The following QKI variants were observed in gnomAD, a reference collection of about 807,000 sequenced individuals.
QKI encodes KH domain-containing RNA-binding protein QKI.
QKI carries 10 observed loss-of-function variants against 39.0 expected under a neutral mutation model. The ratio of observed to expected loss-of-function variants is 0.26; its 90% CI spans 0.16 to 0.43. QKI has a LOEUF of 0.43. QKI is among the 20% of genes least tolerant of loss of function. The pLI, the probability that QKI is intolerant of heterozygous loss-of-function variation, is 1.00. For missense variants in QKI, 218 were observed against 428.0 expected, an observed-to-expected ratio of 0.51 and a Z score of 4.33; for synonymous variants, 204 against 155.4, an observed-to-expected ratio of 1.31 and a Z score of -2.33.
At position 163,476,557 on chromosome 6, in the gene QKI, G is replaced by A. The variant is rs78102953; in HGVS notation, c.286-2223G>A. Among the ~76,000 whole-genome samples the A allele has an allele frequency of 2.8e-3, 431 of 152,268 alleles. 1 individual carries two copies. Among genetic ancestry groups the A allele is most frequent in the African/African-American group, 9.4e-3 (392 of 41,548 alleles). On this transcript the variant is annotated intron_variant, in intron 2 of 7. Coordinates refer to ENST00000361752, the MANE Select transcript of QKI (RefSeq NM_006775.3). Reference sequence around the variant, plus strand: ...TATAATGGAACACAGAATTCTTTTCGTGGGTTATTTCAATTTTTCTAGAGA... The same window carrying A: ...TATAATGGAACACAGAATTCTTTTCATGGGTTATTTCAATTTTTCTAGAGA...
intron 3 of QKI, among the ~76,000 whole-genome samples, chr6:163,480,115 T>A (rs1454504400): frequency 6.6e-6 from 1 of 152,220 alleles, no homozygotes; most frequent in East Asian, 1.9e-4. Flanking sequence ...ACCTAGTTTG[T>A]CTTACCCAGC....
At chr6:163,520,668 A>G (rs974178072) in intron 3 of QKI, among the ~76,000 whole-genome samples, 3 of 152,194 alleles carry the variant, frequency 2.0e-5, no homozygotes, top group Admixed American at 1.3e-4. Context: ...AACATCATTG[A>G]AGAATGATTT....
At chr6:163,455,154 C>G in intron 1 of QKI, 125 bp from the exon 2 acceptor site, 1 of 665,276 alleles carries the variant, frequency 1.5e-6, no homozygotes, top group South Asian at 2.8e-5. Context: ...TAGAATAGGC[C>G]AGGAGCTCCT....
At chr6:163,526,318 G>C (rs950699001) in intron 3 of QKI, among the ~76,000 whole-genome samples, 28 of 152,116 alleles carry the variant, frequency 1.8e-4, no homozygotes, top group African/African-American at 6.3e-4. Context: ...ATATTCAATT[G>C]AGTATTTTAA....
intron 2 of QKI, among the ~76,000 whole-genome samples, chr6:163,460,114 A>T (rs1791235308): frequency 6.6e-6 from 1 of 152,226 alleles, no homozygotes; most frequent in Admixed American, 6.5e-5. Flanking sequence ...CTAGCTGTTG[A>T]TGATACTAGT....
intron 1 of QKI, among the ~76,000 whole-genome samples, chr6:163,448,378 G>C (rs1191389166): frequency 7.1e-6 from 1 of 141,500 alleles, no homozygotes; most frequent in Non-Finnish European, 1.5e-5. Context: ...CAGTTACTTT[G>C]AAATTAAATC....
At chr6:163,548,282 T>C (rs1238981990) in intron 4 of QKI, among the ~76,000 whole-genome samples, 1 of 152,140 alleles carries the variant, frequency 6.6e-6, no homozygotes, top group Non-Finnish European at 1.5e-5. Flanking sequence ...ACATAGAAAG[T>C]GATCAGTGTT....
intron 1 of QKI, among the ~76,000 whole-genome samples, chr6:163,438,852 T>G (rs1789511382): frequency 1.3e-5 from 2 of 152,158 alleles, no homozygotes; most frequent in African/African-American, 4.8e-5. Context: ...AGTAATAAAT[T>G]AACCTTAACA....
At chr6:163,421,472 T>C (rs1797490906) in intron 1 of QKI, among the ~76,000 whole-genome samples, 3 of 152,178 alleles carry the variant, frequency 2.0e-5, no homozygotes, top group Non-Finnish European at 4.4e-5. Flanking sequence ...TCCCCACATA[T>C]ATAGTTCTTG....
chr6:163,550,338 T>G (rs1212098672), intron 4 of QKI, among the ~76,000 whole-genome samples: 1 of 152,180 alleles, frequency 6.6e-6, no homozygotes, highest in African/African-American at 2.4e-5. Context: ...AATCCATTAA[T>G]CCACTAATCC....
chr6:163,530,908 CATTGATG>C (rs1780809148), intron 3 of QKI, among the ~76,000 whole-genome samples: 1 of 152,140 alleles, frequency 6.6e-6, no homozygotes, highest in African/African-American at 2.4e-5. Context: ...AAATATATAA[CATTGATG>C]ATTTTTCTCC....
Position 163,461,708 on chromosome 6 carries a change from TG to T in QKI, c.285+6288del, listed in dbSNP as rs563396972. Reference sequence around the variant, plus strand: ...AGTGCTATCCATATTCCAGGAACATTGAGCTGTTTCTGATAAAGATTAAAGG... The same window carrying T: ...AGTGCTATCCATATTCCAGGAACATTAGCTGTTTCTGATAAAGATTAAAGG... On this transcript the variant is annotated intron_variant, in intron 2 of 7. Coordinates refer to ENST00000361752, the MANE Select transcript of QKI (RefSeq NM_006775.3). Among the ~76,000 whole-genome samples the T allele has an allele frequency of 1.4e-4, 22 of 152,306 alleles. No individual in the cohort carries two copies. The South Asian group carries it at 4.6e-3, about 32-fold the overall frequency.
chr6:163,484,086 CTT>C (rs1375247217), intron 3 of QKI, among the ~76,000 whole-genome samples: 23 of 152,112 alleles, frequency 1.5e-4, no homozygotes, highest in Non-Finnish European at 3.4e-4. Flanking sequence ...AAAGGAATCT[CTT>C]TTTCTGAGCA....
chr6:163,523,657 G>T (rs895476797), intron 3 of QKI, among the ~76,000 whole-genome samples: 2 of 152,150 alleles, frequency 1.3e-5, no homozygotes, highest in African/African-American at 4.8e-5. Context: ...GTAGAATTCA[G>T]AGCTACTTTG....
Position 163,518,345 on chromosome 6 carries a change from G to GC in QKI, c.403-16634dup, listed in dbSNP as rs562760705. ...CAAAGATAAGATACAATCAATGCCT[G>GC]CCCTTTTGTAGTCAGGATGGACAGA... On this transcript the variant is annotated intron_variant, in intron 3 of 7. Transcript: ENST00000361752. Among the ~76,000 whole-genome samples, 207 of 152,232 alleles carry GC rather than the reference G, an allele frequency of 1.4e-3. 1 individual carries two copies. The highest frequency in any genetic ancestry group is 2.4e-3 in the Non-Finnish European group (165 of 67,970).
chr6:163,441,438 T>C (rs1789754365), intron 1 of QKI, among the ~76,000 whole-genome samples: 1 of 152,188 alleles, frequency 6.6e-6, no homozygotes, highest in Admixed American at 6.5e-5. Context: ...ATAGTCCTAA[T>C]ATTTGTTCAA....
In QKI at chr6:163,575,489, G is replaced by C. The variant is rs960429971; in HGVS notation, c.*4779G>C. The C allele has an allele frequency of 6.6e-6, 1 of 152,176 alleles. No homozygotes were observed. The highest frequency in any genetic ancestry group is 1.5e-5 in the Non-Finnish European group (1 of 68,024). 9.4% of individuals were successfully genotyped at this position (152,176 alleles called of 1,614,324 possible). A position where few individuals can be genotyped will look rare whatever the true frequency, so the allele number is the denominator to read the frequency against. On this transcript the variant is annotated 3_prime_UTR_variant, in exon 8 of 8. Transcript: ENST00000361752. The stretch of plus-strand genomic sequence containing the variant: ...TTGATTGAAACTATTTGACAAAACA[G>C]TTGAAAGCTGAGCTTTCAGTCAAGA...
rs1035207050 is a variant in QKI at position 163,414,951 on chromosome 6, CGGGCGGCCGAGAG to C, written c.-242_-230del. The C allele has an allele frequency of 1.7e-4, 29 of 171,826 alleles. No homozygotes were observed. The Admixed American group carries it at 1.8e-3, about 11-fold the overall frequency. 10.6% of individuals were successfully genotyped at this position (171,826 alleles called of 1,614,324 possible). A position where few individuals can be genotyped will look rare whatever the true frequency, so the allele number is the denominator to read the frequency against. ...CGGCCTCGTGAGGGACGCGCCGAGCCGGGCGGCCGAGAGCGGCGGCGGCTGGGAGCGCGTCGGG... is the reference window on the plus strand; with the variant it reads ...CGGCCTCGTGAGGGACGCGCCGAGCCCGGCGGCGGCTGGGAGCGCGTCGGG... On this transcript the variant is annotated 5_prime_UTR_variant, in exon 1 of 8. Transcript: ENST00000361752.
chr6:163,469,971 T>G (rs1169322474), intron 2 of QKI, among the ~76,000 whole-genome samples: 1 of 152,134 alleles, frequency 6.6e-6, no homozygotes, highest in Non-Finnish European at 1.5e-5. Flanking sequence ...TTGTGTTTGT[T>G]AAGGACTGAC....
Sources: allele counts gnomAD v4.1 joint callset (sites outside exome capture counted in the v4.1 genomes callset), GRCh38; gene constraint gnomAD v4.1.1; transcripts MANE v1.5; gene names NCBI Gene and HGNC (gene_info 2026-07-23, HGNC 2026-07-21).